Variants in FOXK1 observed in about 807,000 individuals in gnomAD.
FOXK1 encodes the protein forkhead box protein K1.
Under a neutral mutation model 51.9 loss-of-function variants are expected in FOXK1, and 19 were observed. That is an observed-to-expected ratio of 0.37 (90% CI 0.26 to 0.54). The LOEUF (loss-of-function observed/expected upper bound fraction) is 0.54, where lower values mean the gene tolerates loss of function less well. Ranked by LOEUF, FOXK1 falls within the 20% of genes least tolerant of loss-of-function variation. The probability of loss-of-function intolerance (pLI) is 0.87; values close to 1 mark genes in which losing one functional copy is unlikely to be tolerated. For missense variants in FOXK1, 870 were observed against 1,032.7 expected (o/e 0.84, Z 2.16); for synonymous variants, 537 against 482.6 (o/e 1.11, Z -1.48).
Position 4,745,126 on chromosome 7 carries a change from G to A in FOXK1, c.746+4103G>A, listed in dbSNP as rs1780685265. Among the ~76,000 whole-genome samples the A allele has an allele frequency of 6.6e-6, 1 of 152,190 alleles. No individual in the cohort carries two copies. The highest frequency in any genetic ancestry group is 1.5e-5 in the Non-Finnish European group (1 of 68,022). On this transcript the variant is annotated intron_variant, in intron 2 of 8. Coordinates refer to ENST00000328914, the MANE Select transcript of FOXK1 (RefSeq NM_001037165.2). The surrounding 1 kb of genome is among the most constrained non-coding windows in gnomAD (Gnocchi z 4.3). ...CTCTGGCTGCGCTCCCTAACAGATC[G>A]GGAGGTGGGAGCGGGGCCAGGCCAG...
rs989742513 is a variant in FOXK1, at chr7:4,703,615, T to A, written c.560+20747T>A. ...ACAGAACATCATTAAGAATTGTTTT[T>A]ATATCTGGCAAAACTAAAAGCTTGA... On this transcript the variant is annotated intron_variant, in intron 1 of 8. Transcript: ENST00000328914. This position sits in a 1 kb window ranked among gnomAD's most constrained non-coding sequence, Gnocchi z 5.6. Among the ~76,000 whole-genome samples the A allele has an allele frequency of 6.6e-5, 10 of 152,222 alleles. No individual in the cohort carries two copies. The highest frequency in any genetic ancestry group is 2.4e-4 in the African/African-American group (10 of 41,464).
chr7:4,689,340 C>A (rs750006523), intron 1 of FOXK1, among the ~76,000 whole-genome samples: 2 of 152,174 alleles, frequency 1.3e-5, no homozygotes, highest in Non-Finnish European at 2.9e-5. Flanking sequence ...GGTTGCCATG[C>A]TCCATCTGCT....
intron 1 of FOXK1, among the ~76,000 whole-genome samples, chr7:4,694,775 G>A (rs911806446): frequency 1.3e-5 from 2 of 152,186 alleles, no homozygotes; most frequent in Non-Finnish European, 2.9e-5. Flanking sequence ...GCTGCAGGGC[G>A]CCTGTCAGCA....
chr7:4,700,215 G>C (rs939164851), intron 1 of FOXK1, among the ~76,000 whole-genome samples: 2 of 152,200 alleles, frequency 1.3e-5, no homozygotes, highest in African/African-American at 4.8e-5. Flanking sequence ...GCAGGACCAC[G>C]TTTTTCTTGT....
intron 1 of FOXK1, among the ~76,000 whole-genome samples, chr7:4,737,555 T>TGG: frequency 6.7e-6 from 1 of 149,038 alleles, no homozygotes; most frequent in Non-Finnish European, 1.5e-5. Context: ...TGCGTGCCTG[T>TGG]GTGTGTGTGT....
chr7:4,707,907 C>T lies in FOXK1; in HGVS notation c.560+25039C>T, dbSNP rs1780125181. Among the ~76,000 whole-genome samples, 1 of 152,126 alleles carries T rather than the reference C, an allele frequency of 6.6e-6. No homozygotes were observed. Among genetic ancestry groups the T allele is most frequent in the South Asian group, 2.1e-4 (1 of 4,828 alleles). ...CCATGTTGGCCAGGCTGGTCACGAACTCCTGCCCCAAGTGATCCACCCTCC... is the reference window on the plus strand; with the variant it reads ...CCATGTTGGCCAGGCTGGTCACGAATTCCTGCCCCAAGTGATCCACCCTCC... On this transcript the variant is annotated intron_variant, in intron 1 of 8. Coordinates refer to ENST00000328914, the MANE Select transcript of FOXK1 (RefSeq NM_001037165.2). The surrounding 1 kb of genome is among the most constrained non-coding windows in gnomAD (Gnocchi z 4.1).
At chr7:4,732,167 T>C (rs1356403343) in intron 1 of FOXK1, among the ~76,000 whole-genome samples, 4 of 152,246 alleles carry the variant, frequency 2.6e-5, no homozygotes, top group African/African-American at 7.2e-5. Flanking sequence ...GGGCTCCTTA[T>C]GTGTGACACG....
chr7:4,714,676 C>T (rs1270110692), intron 1 of FOXK1, among the ~76,000 whole-genome samples: 2 of 152,214 alleles, frequency 1.3e-5, no homozygotes, highest in African/African-American at 2.4e-5. Context: ...CAAGGCTCAT[C>T]TTAAGGATTT....
Position 4,734,605 on chromosome 7 carries a change from G to T in FOXK1, c.561-6233G>T, listed in dbSNP as rs191052589. ...AGTGTGCGTGGGCATCGGTGCACGG[G>T]GCTCCCTCCCTGGGGCTTCATGGGG... On this transcript the variant is annotated intron_variant, in intron 1 of 8. Coordinates refer to ENST00000328914, the MANE Select transcript of FOXK1 (RefSeq NM_001037165.2). This position sits in a 1 kb window ranked among gnomAD's most constrained non-coding sequence, Gnocchi z 5.2. 4.4e-4 allele frequency among the ~76,000 whole-genome samples: 67 copies of T among 152,328 alleles called. No individual in the cohort carries two copies. The East Asian group carries it at 0.01, about 23-fold the overall frequency.
rs539838668 is a variant in FOXK1, at chr7:4,750,710, C to CT, written c.747-3738dup. Among the ~76,000 whole-genome samples the CT allele has an allele frequency of 8.3e-4, 121 of 145,216 alleles. 1 individual carries two copies. The highest frequency in any genetic ancestry group is 3.7e-3 in the Middle Eastern group (1 of 272). On this transcript the variant is annotated intron_variant, in intron 2 of 8. Transcript: ENST00000328914. Reference sequence around the variant, plus strand: ...TCATCCACCCGCCTCGGTCTCCCATCTTTTTTTTTTTGAGACAGAGTTTCA... The same window carrying CT: ...TCATCCACCCGCCTCGGTCTCCCATCTTTTTTTTTTTTGAGACAGAGTTTCA...
rs534690392 is a variant in FOXK1 at position 4,728,243 on chromosome 7, AG to A, written c.561-12593del. The stretch of plus-strand genomic sequence containing the variant: ...TGGATCATCGATCCTAACACAGCAA[AG>A]GCGGTATTGTTGCTGTCCTTTCAAG... On this transcript the variant is annotated intron_variant, in intron 1 of 8. Coordinates refer to ENST00000328914, the MANE Select transcript of FOXK1 (RefSeq NM_001037165.2). 2.1e-3 allele frequency among the ~76,000 whole-genome samples: 314 copies of A among 152,322 alleles called. 4 individuals are homozygous for A. Among genetic ancestry groups the A allele is most frequent in the Middle Eastern group, 6.8e-3 (2 of 294 alleles).
intron 1 of FOXK1, among the ~76,000 whole-genome samples, chr7:4,685,072 C>T (rs974858259): frequency 4.0e-5 from 6 of 151,448 alleles, no homozygotes; most frequent in African/African-American, 7.3e-5. Flanking sequence ...TGGCCCACTG[C>T]GCCTGTCTGT....
In FOXK1 at chr7:4,707,689, C is replaced by CTTT. The variant is rs112245661; in HGVS notation, c.560+24832_560+24834dup. Among the ~76,000 whole-genome samples, 1 of 144,434 alleles carries CTTT rather than the reference C, an allele frequency of 6.9e-6. No homozygotes were observed. Among genetic ancestry groups the CTTT allele is most frequent in the Non-Finnish European group, 1.5e-5 (1 of 65,732 alleles). 94.8% of individuals were successfully genotyped at this position (144,434 alleles called of 152,430 possible). ...CGTGTGCGACCAGTACTCCATTTCA[C>CTTT]TTTTTTTTTTTTTGAGACGGACTCT... On this transcript the variant is annotated intron_variant, in intron 1 of 8. Coordinates refer to ENST00000328914, the MANE Select transcript of FOXK1 (RefSeq NM_001037165.2). This position sits in a 1 kb window ranked among gnomAD's most constrained non-coding sequence, Gnocchi z 4.1.
At position 4,707,330 on chromosome 7, in the gene FOXK1, A is replaced by C. The variant is rs376991503; in HGVS notation, c.560+24462A>C. On this transcript the variant is annotated intron_variant, in intron 1 of 8. Coordinates refer to ENST00000328914, the MANE Select transcript of FOXK1 (RefSeq NM_001037165.2). The surrounding 1 kb of genome is among the most constrained non-coding windows in gnomAD (Gnocchi z 4.1). Reference sequence around the variant, plus strand: ...GGAAAACTCTTGTGATGAATGGGCCATCCGGGATAAACAGATGGGACGGAG... The same window carrying C: ...GGAAAACTCTTGTGATGAATGGGCCCTCCGGGATAAACAGATGGGACGGAG... Among the ~76,000 whole-genome samples the C allele has an allele frequency of 3.3e-5, 5 of 152,242 alleles. No homozygotes were observed. The highest frequency in any genetic ancestry group is 1.9e-4 in the East Asian group (1 of 5,186).
In FOXK1 at chr7:4,741,043, G is replaced by C; in HGVS notation, c.746+20G>C. 3 of 1,475,750 alleles carry C rather than the reference G, an allele frequency of 2.0e-6. No homozygotes were observed. The highest frequency in any genetic ancestry group is 2.7e-6 in the Non-Finnish European group (3 of 1,113,224). The allele number at this position is 1,475,750 out of a possible 1,614,324, so 91.4% of individuals were successfully genotyped here. On this transcript the variant is annotated intron_variant, in intron 2 of 8. Coordinates refer to ENST00000328914, the MANE Select transcript of FOXK1 (RefSeq NM_001037165.2). ...CATCAGGTGAGTAGCCCCCCAGCCT[G>C]CCCTTGGGCCCCCAGGAGAGAGGGG...
At chr7:4,751,632 A>C (rs890631139) in intron 2 of FOXK1, among the ~76,000 whole-genome samples, 1 of 152,236 alleles carries the variant, frequency 6.6e-6, no homozygotes, top group African/African-American at 2.4e-5. Flanking sequence ...CCCGTGGCCG[A>C]GGCCCGCCTG....
At chr7:4,705,030 C>G (rs1229263712) in intron 1 of FOXK1, among the ~76,000 whole-genome samples, 1 of 151,674 alleles carries the variant, frequency 6.6e-6, no homozygotes, top group Admixed American at 6.6e-5. Flanking sequence ...CAGGGTTTCA[C>G]CCTGTTGGCC....
Position 4,754,575 on chromosome 7 carries a change from C to T in FOXK1, c.863C>T (p.Ser288Leu). 2.5e-6 allele frequency: 4 copies of T among 1,608,506 alleles called. No individual in the cohort carries two copies. The highest frequency in any genetic ancestry group is 3.4e-6 in the Non-Finnish European group (4 of 1,180,012). ...GCAGAGTTTGCAGCAAAGGCCGCGT[C>T]GGAGCAGCAGGCAGACACGTCTGGA... ...LAAEFAAKAA[S>L]EQQADTSGGD... The change falls in exon 3 of 9, where the codon TCG becomes TTG. Residue 288 changes from serine (S) to leucine (L), a missense_variant. By Grantham distance (145) the Ser-to-Leu change is moderately radical. Transcript: ENST00000328914.
intron 1 of FOXK1, among the ~76,000 whole-genome samples, chr7:4,737,312 T>A (rs150511355): frequency 1.3e-5 from 2 of 152,228 alleles, no homozygotes; most frequent in Admixed American, 1.3e-4. Context: ...TTTCGTTGAT[T>A]TGCAGTGGTT....
Sources: gnomAD v4.1 joint callset for allele counts (sites outside exome capture counted in the v4.1 genomes callset) on GRCh38, gnomAD v4.1.1 for gene constraint, Gnocchi (gnomAD v3.1) non-coding constraint, MANE v1.5 for transcripts, NCBI Gene and HGNC (gene_info 2026-07-23, HGNC 2026-07-21) for gene names.